GLI3: variants seen among roughly 807,000 people sequenced by gnomAD.
GLI3 encodes transcription activator GLI3.
Under a neutral mutation model 100.8 loss-of-function variants are expected in GLI3, and 20 were observed. That is an observed-to-expected ratio of 0.20 (90% CI 0.14 to 0.29). The LOEUF (loss-of-function observed/expected upper bound fraction) is 0.29. Among genes scored for constraint, GLI3 ranks in the 10% least tolerant of loss-of-function variants. The pLI is 1.00. For synonymous variants in GLI3, 938 were observed against 860.5 expected (o/e 1.09, Z -1.58); for missense variants, 2,040 against 2,128.5 (o/e 0.96, Z 0.82).
chr7:42,038,685 C>T (rs959153849), intron 7 of GLI3, among the ~76,000 whole-genome samples: 23 of 152,058 alleles, frequency 1.5e-4, no homozygotes, highest in Non-Finnish European at 2.9e-5. Context: ...AGAAAAGCAG[C>T]GGAAAATGAC....
chr7:42,205,033 T>C (rs1788120944), intron 2 of GLI3, among the ~76,000 whole-genome samples: 1 of 152,122 alleles, frequency 6.6e-6, no homozygotes, highest in African/African-American at 2.4e-5. Flanking sequence ...CAGCAGCAGG[T>C]TGTGGGTGTG....
chr7:42,174,847 G>A (rs968068305), intron 2 of GLI3, among the ~76,000 whole-genome samples: 1 of 152,100 alleles, frequency 6.6e-6, no homozygotes, highest in Non-Finnish European at 1.5e-5. Flanking sequence ...TGAACTCCCC[G>A]AGCGCCATTT....
chr7:42,204,148 G>A (rs1583645454), intron 2 of GLI3, among the ~76,000 whole-genome samples: 1 of 152,000 alleles, frequency 6.6e-6, no homozygotes, highest in Non-Finnish European at 1.5e-5. Flanking sequence ...GGAGCCCAAA[G>A]TGTCTAGCAT....
rs566109067 is a variant in GLI3, at chr7:42,065,781, T to TGTAA, written c.473+10967_473+10970dup. ...TTTATGTTACTAACTTGGGCTTGAGTGTAACACCTGAACTACCCTCCTTCA... is the reference window on the plus strand; with the variant it reads ...TTTATGTTACTAACTTGGGCTTGAGTGTAAGTAACACCTGAACTACCCTCCTTCA... On this transcript the variant is annotated intron_variant, in intron 4 of 14. Coordinates refer to ENST00000395925, the MANE Select transcript of GLI3 (RefSeq NM_000168.6). Among the ~76,000 whole-genome samples, 53 of 152,278 alleles carry TGTAA rather than the reference T, an allele frequency of 3.5e-4. 2 individuals are homozygous for TGTAA. Among genetic ancestry groups the TGTAA allele is most frequent in the East Asian group, 1.4e-3 (7 of 5,184 alleles).
At chr7:42,036,492 G>A (rs1414602313) in intron 7 of GLI3, among the ~76,000 whole-genome samples, 1 of 152,192 alleles carries the variant, frequency 6.6e-6, no homozygotes, top group Non-Finnish European at 1.5e-5. Context: ...GAAATGGATA[G>A]CAGACTACTA....
chr7:42,047,083 C>A (rs1256982639), intron 5 of GLI3, among the ~76,000 whole-genome samples: 3 of 152,114 alleles, frequency 2.0e-5, no homozygotes, highest in Admixed American at 1.3e-4. Flanking sequence ...TTGAACCCAG[C>A]AGGTCTGGGG....
chr7:42,240,945 C>T (rs1359470190), upstream of GLI3, among the ~76,000 whole-genome samples: 1 of 152,152 alleles, frequency 6.6e-6, no homozygotes, highest in Non-Finnish European at 1.5e-5. Context: ...CATGGCAGTT[C>T]TTCCATCTCC....
rs1286089459 is a variant in GLI3 at position 41,966,291 on chromosome 7, G to A, written c.2782C>T (p.Arg928Cys). 4.4e-6 allele frequency: 7 copies of A among 1,608,054 alleles called. No homozygotes were observed. The highest frequency in any genetic ancestry group is 1.3e-5 in the African/African-American group (1 of 75,030). The stretch of plus-strand genomic sequence containing the variant: ...GCAGCCGCGTACTTGGCCTTGAGGC[G>A]GTACTGCTGGGCGGGCGTGAGGCTG... Reference protein sequence around the residue: ...LLSLTPAQQYRLKAKYAAATG... With the variant: ...LLSLTPAQQYCLKAKYAAATG... The change falls in exon 15 of 15, where the codon CGC becomes TGC. Residue 928 changes from arginine (R) to cysteine (C), a missense_variant. Around this residue, in one of 5 missense-constraint regions of GLI3, gnomAD observed 1,041 missense variants for 924.0 expected, o/e 1.13. Transcript: ENST00000395925. This position sits in a 1 kb window ranked among gnomAD's most constrained non-coding sequence, Gnocchi z 5.8.
chr7:42,038,238 G>T (rs772038077), intron 7 of GLI3, among the ~76,000 whole-genome samples: 1 of 152,298 alleles, frequency 6.6e-6, no homozygotes, highest in East Asian at 1.9e-4. Context: ...AGACTGGCAT[G>T]CTTCCTCGGG....
chr7:42,072,535 A>G (rs1784803253), intron 4 of GLI3, among the ~76,000 whole-genome samples: 1 of 152,238 alleles, frequency 6.6e-6, no homozygotes, highest in Non-Finnish European at 1.5e-5. Context: ...TTACTGTGGA[A>G]AGTAGCCACT....
chr7:42,202,979 G>A (rs1420891359), intron 2 of GLI3, among the ~76,000 whole-genome samples: 1 of 152,168 alleles, frequency 6.6e-6, no homozygotes, highest in African/African-American at 2.4e-5. Flanking sequence ...TAAAAACTAG[G>A]GAAAGGAGGA....
In GLI3 at chr7:41,964,984, G is replaced by A. The variant is rs202059951; in HGVS notation, c.4089C>T (p.Cys1363=). 28 of 1,613,818 alleles carry A rather than the reference G, an allele frequency of 1.7e-5. No individual in the cohort carries two copies. In the Admixed American group the frequency reaches 2.2e-4, roughly 12 times the overall value. Residue 1363 remains cysteine, a synonymous_variant, in exon 15 of 15, where the codon TGC becomes TGT. Coordinates refer to ENST00000395925, the MANE Select transcript of GLI3 (RefSeq NM_000168.6). ...HINIYQGPES[C]LPGAHGMGSQ... ...TGCCCATGCCGTGAGCCCCTGGCAGGCAGCTCTCTGGCCCTTGGTAGATGT... is the reference window on the plus strand; with the variant it reads ...TGCCCATGCCGTGAGCCCCTGGCAGACAGCTCTCTGGCCCTTGGTAGATGT...
Position 41,967,688 on chromosome 7 carries a change from A to G in GLI3, c.2339T>C (p.Leu780Pro). The G allele has an allele frequency of 6.2e-7, 1 of 1,614,156 alleles. No individual in the cohort carries two copies. Among genetic ancestry groups the G allele is most frequent in the East Asian group, 2.2e-5 (1 of 44,870 alleles). Residue 780 changes from leucine to proline, a missense_variant, in exon 14 of 15, where the codon CTA becomes CCA. Coordinates refer to ENST00000395925, the MANE Select transcript of GLI3 (RefSeq NM_000168.6). ...TCCATTCACTTGTTTTAGCCTTTCT[A>G]GTTTTACGTGCTCCATCCATTTGGT... ...AGTKWMEHVKLERLKQVNGMF... is the reference protein window; with the variant it reads ...AGTKWMEHVKPERLKQVNGMF...
chr7:41,997,482 G>A (rs1788157940), intron 10 of GLI3, among the ~76,000 whole-genome samples: 2 of 152,116 alleles, frequency 1.3e-5, no homozygotes, highest in African/African-American at 4.8e-5. Flanking sequence ...CCAGAATACT[G>A]AGTATCAGAT....
intron 4 of GLI3, among the ~76,000 whole-genome samples, chr7:42,056,826 T>TAAATAAATAAATAAATAAAA (rs1296668716): frequency 6.6e-6 from 1 of 150,758 alleles, no homozygotes; most frequent in Non-Finnish European, 1.5e-5. Flanking sequence ...AATAAATAAA[T>TAAATAAATAAATAAATAAAA]AAAAAATTAG....
intron 1 of GLI3, among the ~76,000 whole-genome samples, chr7:42,233,672 C>G (rs1311548072): frequency 6.6e-6 from 1 of 152,184 alleles, no homozygotes; most frequent in Admixed American, 6.5e-5. Flanking sequence ...ATGAAAAATA[C>G]ACTGAAAATA....
chr7:42,198,956 A>G (rs1267425680), intron 2 of GLI3, among the ~76,000 whole-genome samples: 1 of 152,112 alleles, frequency 6.6e-6, no homozygotes, highest in African/African-American at 2.4e-5. Context: ...CTAAAAAGAA[A>G]AGACTTGGGA....
At position 42,040,064 on chromosome 7, in the gene GLI3, A is replaced by G. The variant is rs760303531; in HGVS notation, c.1002T>C (p.Tyr334=). The G allele has an allele frequency of 6.2e-7, 1 of 1,613,014 alleles. No homozygotes were observed. The highest frequency in any genetic ancestry group is 8.5e-7 in the Non-Finnish European group (1 of 1,178,950). Residue 334 remains tyrosine, a synonymous_variant, in exon 7 of 15, where the codon TAT becomes TAC. Transcript: ENST00000395925. The stretch of plus-strand genomic sequence containing the variant: ...TGATTGCACTTGCAGATAAGTGACC[A>G]TAGGAGCCACTTGCTGAAGAGCTGC... ...SRSSSSASGS[Y]GHLSASAISP...
chr7:42,146,057 A>G (rs1478212181), intron 3 of GLI3, among the ~76,000 whole-genome samples: 1 of 152,162 alleles, frequency 6.6e-6, no homozygotes, highest in Non-Finnish European at 1.5e-5. Flanking sequence ...CATATTATCT[A>G]TATAATAATG....
Sources: allele counts gnomAD v4.1 joint callset (sites outside exome capture counted in the v4.1 genomes callset), GRCh38; gene constraint gnomAD v4.1.1; regional missense constraint gnomAD v4.1.1; non-coding constraint Gnocchi (gnomAD v3.1); transcripts MANE v1.5; gene names NCBI Gene and HGNC (gene_info 2026-07-23, HGNC 2026-07-21).